GOLGB1: variants seen among roughly 807,000 people sequenced by gnomAD.
GOLGB1 encodes golgin B1, also known as golgin subfamily B member 1.
Under a neutral mutation model 336.9 loss-of-function variants are expected in GOLGB1, and 174 were observed. The observed-to-expected ratio is 0.52, with a 90% CI of 0.46 to 0.59. GOLGB1 has a LOEUF of 0.59. Among genes scored for constraint, GOLGB1 ranks in the 20% least tolerant of loss-of-function variants. The pLI, the probability that GOLGB1 is intolerant of heterozygous loss-of-function variation, is 0.00. For missense variants in GOLGB1, 3,331 were observed against 3,645.3 expected, an observed-to-expected ratio of 0.91 and a Z score of 2.22; for synonymous variants, 1,208 against 1,289.2, an observed-to-expected ratio of 0.94 and a Z score of 1.35.
intron 19 of GOLGB1, 128 bp downstream of exon 19, chr3:121,667,933 A>C: frequency 1.7e-6 from 1 of 585,218 alleles, no homozygotes; most frequent in South Asian, 2.5e-5. Context: ...TCCTCACATC[A>C]CTTCTGTGAG....
At position 121,716,798 on chromosome 3, in the gene GOLGB1, C is replaced by G. The variant is rs1433098140; in HGVS notation, c.1227G>C (p.Lys409Asn). Residue 409 changes from lysine (K) to asparagine (N), a missense_variant, in exon 9 of 22, where the codon AAG (lysine) becomes AAC (asparagine). Transcript: ENST00000614479. Reference protein sequence around the residue: ...ACDALKDQNSKLLQDKNEQAV... With the variant: ...ACDALKDQNSNLLQDKNEQAV... ...CTTGCTCATTCTTATCTTGGAGAAG[C>G]TTTGAATTTTGATCCTTTAGAGCAT... 1 of 1,613,590 alleles carries G rather than the reference C, an allele frequency of 6.2e-7. No homozygotes were observed. The highest frequency in any genetic ancestry group is 8.5e-7 in the Non-Finnish European group (1 of 1,179,548).
At chr3:121,715,369 A>ATTTTTTT (rs373634444) in intron 9 of GOLGB1, among the ~76,000 whole-genome samples, 1 of 128,594 alleles carries the variant, frequency 7.8e-6, no homozygotes, top group Non-Finnish European at 1.6e-5. Context: ...TGCCTGGCTA[A>ATTTTTTT]TTTTTTTTTT....
chr3:121,738,374 C>T (rs886905048), intron 1 of GOLGB1, among the ~76,000 whole-genome samples: 3 of 152,150 alleles, frequency 2.0e-5, no homozygotes, highest in African/African-American at 7.2e-5. Context: ...AACAAAAGAT[C>T]CATGGACAGC....
chr3:121,693,901 T>C lies in GOLGB1; in HGVS notation c.6622A>G (p.Arg2208Gly), dbSNP rs778655272. ...CATTTCTTAGCTTCATCTATCACCC[T>C]GTCACGATCATCCTGGAGGGAAGAC... ...SMSSLQDDRD[R>G]VIDEAKKWER... The change falls in exon 13 of 22, where the codon AGG becomes GGG. Residue 2208 changes from arginine to glycine, a missense_variant. Coordinates refer to ENST00000614479, the MANE Select transcript of GOLGB1 (RefSeq NM_001366282.2). 3.1e-5 allele frequency: 50 copies of C among 1,613,970 alleles called. 1 individual carries two copies. The South Asian group carries it at 5.4e-4, about 17-fold the overall frequency.
intron 10 of GOLGB1, among the ~76,000 whole-genome samples, chr3:121,705,178 T>A (rs577165234): frequency 2.6e-5 from 4 of 152,174 alleles, no homozygotes; most frequent in Non-Finnish European, 5.9e-5. Flanking sequence ...TGAGGGTATA[T>A]GATTATGAAG....
intron 1 of GOLGB1, among the ~76,000 whole-genome samples, chr3:121,740,101 C>T (rs1946748850): frequency 6.6e-6 from 1 of 152,170 alleles, no homozygotes; most frequent in Admixed American, 6.5e-5. Flanking sequence ...CAAGGCAACA[C>T]AAGGGATCCT....
At chr3:121,743,509 T>A (rs1452547284) in intron 1 of GOLGB1, among the ~76,000 whole-genome samples, 1 of 152,196 alleles carries the variant, frequency 6.6e-6, no homozygotes. Context: ...AAATACCTAA[T>A]GTAAATGACG....
chr3:121,709,928 T>G (rs780290973), intron 10 of GOLGB1, among the ~76,000 whole-genome samples: 1 of 151,392 alleles, frequency 6.6e-6, no homozygotes, highest in African/African-American at 2.4e-5. Flanking sequence ...ATGAAGAAAA[T>G]GAAGCACAAA....
intron 12 of GOLGB1, 47 bp downstream of exon 12, chr3:121,699,765 T>G (rs1943237566): frequency 8.9e-7 from 1 of 1,118,910 alleles, no homozygotes; most frequent in African/African-American, 1.5e-5. Context: ...AGCTACCTTC[T>G]CTTAATCTAG....
In GOLGB1 at chr3:121,676,946, T is replaced by G. The variant is rs369933966; in HGVS notation, c.9124A>C (p.Ser3042Arg). ...TELLRTQLND[S>R]LKEIHQKELR... Reference sequence around the variant, plus strand: ...TCCTTTTGGTGAATTTCCTTTAAGCTGTCATTGAGCTGGGTCCTGAGAAGT... The same window carrying G: ...TCCTTTTGGTGAATTTCCTTTAAGCGGTCATTGAGCTGGGTCCTGAGAAGT... The change falls in exon 17 of 22, where the codon AGC becomes CGC. Residue 3042 changes from serine to arginine, a missense_variant. Physicochemically the swap from Ser to Arg is moderately radical, Grantham distance 110. Coordinates refer to ENST00000614479, the MANE Select transcript of GOLGB1 (RefSeq NM_001366282.2). 4.3e-6 allele frequency: 7 copies of G among 1,613,622 alleles called. No individual in the cohort carries two copies. The African/African-American group carries it at 8.0e-5, about 18-fold the overall frequency.
At chr3:121,668,672 CA>C (rs138891151) in intron 18 of GOLGB1, among the ~76,000 whole-genome samples, 1,957 of 66,570 alleles carry the variant, frequency 0.029, 14 homozygotes, top group African/African-American at 0.084. Flanking sequence ...GACTCCGTCT[CA>C]AAAAAAAAAA....
chr3:121,689,740 T>A (rs1230767591), intron 14 of GOLGB1, among the ~76,000 whole-genome samples: 1 of 152,200 alleles, frequency 6.6e-6, no homozygotes, highest in Non-Finnish European at 1.5e-5. Context: ...TCCATTTATT[T>A]CCTATTTGGC....
At chr3:121,722,414 A>G (rs1161494185) in intron 5 of GOLGB1, 36 bp from the exon 6 acceptor site, 1 of 1,128,702 alleles carries the variant, frequency 8.9e-7, no homozygotes, top group East Asian at 2.3e-5. Flanking sequence ...AAAAAAAATT[A>G]TTTAAGCAAA....
chr3:121,691,155 G>T lies in GOLGB1; in HGVS notation c.8209C>A (p.Gln2737Lys). The T allele has an allele frequency of 1.9e-6, 3 of 1,613,668 alleles. No individual in the cohort carries two copies. The highest frequency in any genetic ancestry group is 2.5e-6 in the Non-Finnish European group (3 of 1,179,892). The change falls in exon 14 of 22, where the codon CAA becomes AAA. Residue 2737 changes from glutamine (Q) to lysine (K), a missense_variant. Physicochemically the swap from Gln to Lys is moderately conservative, Grantham distance 53. Coordinates refer to ENST00000614479, the MANE Select transcript of GOLGB1 (RefSeq NM_001366282.2). ...ATAGACCTTCCAAAAGACTGAATTT[G>T]TGCTGTGAGACCTTTATTTTCTTTG... ...VTKENKGLTA[Q>K]IQSFGRSMSS... is the part of the protein sequence containing the mutation.
intron 16 of GOLGB1, 36 bp from the exon 17 acceptor site, chr3:121,677,066 A>G: frequency 1.2e-6 from 2 of 1,612,408 alleles, no homozygotes; most frequent in Non-Finnish European, 1.7e-6. Flanking sequence ...ATTCTCTCCT[A>G]AGATTGCGCA....
rs1942848357 is a variant in GOLGB1, at chr3:121,695,377, T to C, written c.5146A>G (p.Lys1716Glu). ...AEVHPAGDTA[K>E]ECMETLLSSN... ...GAAAGAAGTGTTTCCATACACTCTT[T>C]AGCTGTATCTCCTGCAGGGTGCACC... The change falls in exon 13 of 22, where the codon AAA becomes GAA. Residue 1716 changes from lysine to glutamate, a missense_variant. Transcript: ENST00000614479. The C allele has an allele frequency of 5.0e-6, 8 of 1,614,058 alleles. No homozygotes were observed. Among genetic ancestry groups the C allele is most frequent in the Non-Finnish European group, 6.8e-6 (8 of 1,179,942 alleles).
At chr3:121,748,749 C>G in intron 1 of GOLGB1, 1 of 915,534 alleles carries the variant, frequency 1.1e-6, no homozygotes, top group Non-Finnish European at 1.3e-6. Context: ...AATGCTCAGA[C>G]AGCTTCCAAC....
At chr3:121,717,992 C>T (rs1452122134) in intron 8 of GOLGB1, among the ~76,000 whole-genome samples, 1 of 152,078 alleles carries the variant, frequency 6.6e-6, no homozygotes, top group Non-Finnish European at 1.5e-5. Flanking sequence ...TGATCTGTTA[C>T]CCTGTTCCAC....
chr3:121,727,293 CATATAT>C (rs1235174337), intron 4 of GOLGB1, among the ~76,000 whole-genome samples: 1,761 of 27,548 alleles, frequency 0.064, 108 homozygotes, highest in East Asian at 0.12. Flanking sequence ...CACACACACA[CATATAT>C]ATATATATAT....
Sources: gnomAD v4.1 joint callset for allele counts (sites outside exome capture counted in the v4.1 genomes callset) on GRCh38, gnomAD v4.1.1 for gene constraint, MANE v1.5 for transcripts, NCBI Gene and HGNC (gene_info 2026-07-23, HGNC 2026-07-21) for gene names.